THSD7B: variants seen among roughly 807,000 people sequenced by gnomAD.
The protein encoded by THSD7B is thrombospondin type 1 domain containing 7B.
In THSD7B, 138 loss-of-function variants were observed where a neutral mutation model predicts 213.6. The ratio of observed to expected loss-of-function variants is 0.65; its 90% CI spans 0.56 to 0.74. THSD7B has a LOEUF of 0.74. Ranked by LOEUF, THSD7B falls within the 30% of genes least tolerant of loss-of-function variation. The pLI is 0.00. For synonymous variants in THSD7B, 742 were observed against 687.0 expected, an observed-to-expected ratio of 1.08 and a Z score of -1.25; for missense variants, 1,931 against 1,991.5, an observed-to-expected ratio of 0.97 and a Z score of 0.58.
intron 2 of THSD7B, among the ~76,000 whole-genome samples, chr2:136,994,201 C>G (rs536866949): frequency 6.6e-6 from 1 of 152,310 alleles, no homozygotes; most frequent in South Asian, 2.1e-4. Context: ...TATATTTAAA[C>G]TGCTCAGTTT....
intron 12 of THSD7B, among the ~76,000 whole-genome samples, chr2:137,282,029 A>G (rs887340384): frequency 6.6e-6 from 1 of 152,018 alleles, no homozygotes; most frequent in African/African-American, 2.4e-5. Flanking sequence ...AACAGTGTAA[A>G]AGTGTTCCTA....
intron 13 of THSD7B, among the ~76,000 whole-genome samples, chr2:137,408,548 A>G (rs1686580005): frequency 6.6e-6 from 1 of 152,164 alleles, no homozygotes; most frequent in African/African-American, 2.4e-5. Flanking sequence ...TTGCTGTTGT[A>G]TTGGGAGCGG....
intron 10 of THSD7B, among the ~76,000 whole-genome samples, chr2:137,243,956 G>C (rs1681968829): frequency 6.6e-6 from 1 of 152,194 alleles, no homozygotes; most frequent in African/African-American, 2.4e-5. Context: ...GATCTTTTGA[G>C]GGATGGAAAC....
rs539732929 is a variant in THSD7B, at chr2:136,960,827, G to C, written c.139+78510G>C. On this transcript the variant is annotated intron_variant, in intron 2 of 27. Transcript: ENST00000409968. ...AGACTGGGCCGGGCGCAGTGGCTCA[G>C]GCCTGTAATCCCAGCTCTTAGGGAG... Among the ~76,000 whole-genome samples the C allele has an allele frequency of 4.7e-3, 713 of 151,382 alleles. 2 individuals carry two copies. Among genetic ancestry groups the C allele is most frequent in the South Asian group, 0.014 (65 of 4,782 alleles).
intron 10 of THSD7B, among the ~76,000 whole-genome samples, chr2:137,269,196 C>T (rs183545545): frequency 5.3e-5 from 8 of 152,114 alleles, no homozygotes; most frequent in African/African-American, 1.2e-4. Context: ...ATCAGTTTCT[C>T]CTCTGGAAAA....
At chr2:137,373,952 G>C (rs1176761818) in intron 12 of THSD7B, among the ~76,000 whole-genome samples, 1 of 152,212 alleles carries the variant, frequency 6.6e-6, no homozygotes, top group Non-Finnish European at 1.5e-5. Flanking sequence ...TTATTAAATA[G>C]GGAATCCTTT....
At chr2:137,013,575 T>C (rs1686279278) in intron 2 of THSD7B, among the ~76,000 whole-genome samples, 2 of 152,216 alleles carry the variant, frequency 1.3e-5, no homozygotes, top group African/African-American at 4.8e-5. Flanking sequence ...CCAAAGGCTA[T>C]AACATGTTGA....
intron 2 of THSD7B, among the ~76,000 whole-genome samples, chr2:137,017,033 A>C (rs1686354587): frequency 6.6e-6 from 1 of 152,202 alleles, no homozygotes; most frequent in African/African-American, 2.4e-5. Context: ...CTGAAGAATA[A>C]ACAATATAAT....
intron 2 of THSD7B, among the ~76,000 whole-genome samples, chr2:136,905,485 T>C (rs1247535883): frequency 6.6e-6 from 1 of 152,244 alleles, no homozygotes; most frequent in Non-Finnish European, 1.5e-5. Flanking sequence ...CTATAATAGC[T>C]ATGTATACTA....
At position 137,391,248 on chromosome 2, in the gene THSD7B, A is replaced by G. The variant is rs529936369; in HGVS notation, c.2501-14365A>G. 9.9e-5 allele frequency among the ~76,000 whole-genome samples: 15 copies of G among 152,106 alleles called. No homozygotes were observed. The South Asian group carries it at 1.5e-3, about 15-fold the overall frequency. ...TCAGTTTTCTCATTTGTGAGCATAT[A>G]GTTTTTTCTTAATAGTCTCTGTTGA... is the stretch of plus-strand genomic sequence containing the variant. On this transcript the variant is annotated intron_variant, in intron 12 of 27. Transcript: ENST00000409968.
intron 3 of THSD7B, among the ~76,000 whole-genome samples, chr2:137,084,687 G>T (rs977381981): frequency 6.6e-6 from 1 of 152,126 alleles, no homozygotes; most frequent in Non-Finnish European, 1.5e-5. Context: ...ACATATTCTA[G>T]ATGGTGAATC....
intron 12 of THSD7B, among the ~76,000 whole-genome samples, chr2:137,402,058 C>A (rs1369953005): frequency 6.6e-6 from 1 of 152,088 alleles, no homozygotes; most frequent in East Asian, 1.9e-4. Context: ...GAATGATCAG[C>A]CTACTTTATT....
chr2:136,946,039 C>T (rs528203060), intron 2 of THSD7B, among the ~76,000 whole-genome samples: 14 of 152,306 alleles, frequency 9.2e-5, no homozygotes, highest in East Asian at 1.9e-4. Flanking sequence ...AGAGAAGAGG[C>T]GCTCTGGTTT....
At chr2:137,107,611 A>G (rs2104931328) in intron 4 of THSD7B, among the ~76,000 whole-genome samples, 1 of 152,326 alleles carries the variant, frequency 6.6e-6, no homozygotes, top group South Asian at 2.1e-4. Flanking sequence ...TAGATTTCAA[A>G]GAATCTGGAA....
chr2:137,024,435 C>T (rs891956057), intron 2 of THSD7B, among the ~76,000 whole-genome samples: 3 of 152,106 alleles, frequency 2.0e-5, no homozygotes, highest in African/African-American at 4.8e-5. Context: ...GAGGATAGTA[C>T]GTTTCTATCA....
intron 2 of THSD7B, among the ~76,000 whole-genome samples, chr2:137,020,293 A>G (rs1686418605): frequency 1.3e-5 from 2 of 152,138 alleles, no homozygotes; most frequent in African/African-American, 4.8e-5. Context: ...ACCTATGTGA[A>G]TGGAGCACGG....
At chr2:137,519,713 T>C (rs1680142861) in intron 15 of THSD7B, among the ~76,000 whole-genome samples, 1 of 152,230 alleles carries the variant, frequency 6.6e-6, no homozygotes, top group Non-Finnish European at 1.5e-5. Context: ...AGGAAATGTC[T>C]AACATATTAA....
At chr2:137,602,282 A>T (rs352185) in intron 17 of THSD7B, among the ~76,000 whole-genome samples, 151,129 of 152,050 alleles carry the variant, frequency 0.99, 75,114 homozygotes, top group Middle Eastern at 1. Flanking sequence ...TTTTTGTATT[A>T]TTTTTTAAGA....
intron 12 of THSD7B, among the ~76,000 whole-genome samples, chr2:137,365,354 C>A (rs916360872): frequency 6.6e-6 from 1 of 152,148 alleles, no homozygotes; most frequent in East Asian, 1.9e-4. Flanking sequence ...GACCAAAACA[C>A]CAAAAGCAAT....
Sources: gnomAD v4.1 joint callset for allele counts (sites outside exome capture counted in the v4.1 genomes callset) on GRCh38, gnomAD v4.1.1 for gene constraint, MANE v1.5 for transcripts, NCBI Gene and HGNC (gene_info 2026-07-23, HGNC 2026-07-21) for gene names.